Variants in WWC2 observed in about 807,000 individuals in gnomAD.
The protein encoded by WWC2 is protein WWC2.
In WWC2, 101 loss-of-function variants were observed where a neutral mutation model predicts 138.5. That is an observed-to-expected ratio of 0.73 (90% confidence interval 0.62 to 0.86). WWC2 has a LOEUF of 0.86. Among genes scored for constraint, WWC2 ranks in the 40% least tolerant of loss-of-function variants. The probability of loss-of-function intolerance (pLI) is 0.00; values close to 1 mark genes in which losing one functional copy is unlikely to be tolerated. For missense variants in WWC2, 1,420 were observed against 1,419.4 expected (o/e 1.00, Z -0.01); for synonymous variants, 558 against 538.4 (o/e 1.04, Z -0.50).
intron 1 of WWC2, among the ~76,000 whole-genome samples, chr4:183,160,854 A>G (rs1733942828): frequency 6.6e-6 from 1 of 152,218 alleles, no homozygotes; most frequent in Non-Finnish European, 1.5e-5. Context: ...GATAATGATC[A>G]TCAAATATTT....
intron 1 of WWC2, among the ~76,000 whole-genome samples, chr4:183,164,288 ATATAT>A (rs1417601107): frequency 7.2e-3 from 2 of 278 alleles, no homozygotes; most frequent in African/African-American, 0.013. Context: ...ATATATATAT[ATATAT>A]ATATATACAT....
At chr4:183,243,806 GTGACTTGAT>G (rs1226530748) in intron 5 of WWC2, among the ~76,000 whole-genome samples, 1 of 146,964 alleles carries the variant, frequency 6.8e-6, no homozygotes, top group African/African-American at 2.5e-5. Flanking sequence ...TGTTTAATCT[GTGACTTGAT>G]TGGTTGTACT....
intron 1 of WWC2, among the ~76,000 whole-genome samples, chr4:183,173,606 C>T (rs756384885): frequency 2.6e-5 from 4 of 151,560 alleles, no homozygotes; most frequent in East Asian, 2.0e-4. Context: ...CTTGTTTTGA[C>T]CAGTGGATTG....
intron 1 of WWC2, among the ~76,000 whole-genome samples, chr4:183,164,383 AT>A (rs1373365996): frequency 0.071 from 54 of 758 alleles, 2 homozygotes; most frequent in African/African-American, 0.17. Context: ...ATACATATAT[AT>A]ATTATATATA....
intron 1 of WWC2, among the ~76,000 whole-genome samples, chr4:183,149,538 C>T (rs914984781): frequency 2.6e-5 from 4 of 151,646 alleles, no homozygotes; most frequent in Middle Eastern, 3.2e-3. Context: ...AGGAGAATCG[C>T]TTGAACCTGG....
At chr4:183,246,507 A>G (rs1383234735) in intron 6 of WWC2, among the ~76,000 whole-genome samples, 1 of 152,070 alleles carries the variant, frequency 6.6e-6, no homozygotes, top group Admixed American at 6.5e-5. Context: ...AGAATATAAA[A>G]TAATATAGAA....
At chr4:183,277,634 C>T (rs1300509118) in intron 16 of WWC2, among the ~76,000 whole-genome samples, 16 of 143,016 alleles carry the variant, frequency 1.1e-4, no homozygotes, top group African/African-American at 4.1e-4. Flanking sequence ...ACATCCTCTC[C>T]AGCACCTGTT....
In WWC2 at chr4:183,245,420, G is replaced by T; in HGVS notation, c.607G>T (p.Asp203Tyr). The T allele has an allele frequency of 6.5e-7, 1 of 1,548,328 alleles. No individual in the cohort carries two copies. Among genetic ancestry groups the T allele is most frequent in the South Asian group, 1.2e-5 (1 of 80,486 alleles). The stretch of plus-strand genomic sequence containing the variant: ...TTTCTTTTTCTCTTTTCACAGAATT[G>T]ATAAAAAAATGTCTGGAGGCCAGAG... ...EQGFETLQQI[D>Y]KKMSGGQSGY... Residue 203 changes from aspartate to tyrosine, a missense_variant, in exon 6 of 23, where the codon GAT becomes TAT. Physicochemically the swap from Asp to Tyr is radical, Grantham distance 160 (BLOSUM62 -3). Transcript: ENST00000403733.
intron 1 of WWC2, among the ~76,000 whole-genome samples, chr4:183,106,550 C>T (rs540791315): frequency 2.3e-4 from 35 of 152,234 alleles, no homozygotes; most frequent in Admixed American, 1.9e-3. Flanking sequence ...CCAAAACAAA[C>T]GACCCCTTAC....
At chr4:183,148,795 A>G (rs1374579323) in intron 1 of WWC2, among the ~76,000 whole-genome samples, 1 of 152,158 alleles carries the variant, frequency 6.6e-6, no homozygotes, top group Non-Finnish European at 1.5e-5. Context: ...GGGTGTCCCG[A>G]ATGAGTTAGA....
intron 1 of WWC2, among the ~76,000 whole-genome samples, chr4:183,171,036 A>G (rs1045400105): frequency 6.6e-6 from 1 of 152,216 alleles, no homozygotes; most frequent in Non-Finnish European, 1.5e-5. Flanking sequence ...TTACAGTGAC[A>G]TCCATTATTT....
chr4:183,223,818 C>T (rs1018059540), intron 4 of WWC2, among the ~76,000 whole-genome samples: 4 of 152,186 alleles, frequency 2.6e-5, no homozygotes, highest in Non-Finnish European at 4.4e-5. Flanking sequence ...GCAACGTCTG[C>T]CTCCTGGGTT....
intron 20 of WWC2, among the ~76,000 whole-genome samples, chr4:183,287,875 G>C (rs987924637): frequency 6.6e-6 from 1 of 152,146 alleles, no homozygotes; most frequent in East Asian, 1.9e-4. Context: ...GTCATAGCTT[G>C]AAAATGGTGA....
At chr4:183,147,400 T>C (rs1042486645) in intron 1 of WWC2, among the ~76,000 whole-genome samples, 2 of 152,200 alleles carry the variant, frequency 1.3e-5, no homozygotes, top group Non-Finnish European at 2.9e-5. Context: ...AACTCTTAGA[T>C]TATTTTCTCT....
intron 1 of WWC2, among the ~76,000 whole-genome samples, chr4:183,178,496 A>C (rs1248806896): frequency 6.6e-6 from 1 of 151,736 alleles, no homozygotes; most frequent in African/African-American, 2.4e-5. Context: ...CAGGAGGATC[A>C]CTTGAGCCCA....
chr4:183,137,725 C>T (rs1187645025), intron 1 of WWC2, among the ~76,000 whole-genome samples: 1 of 152,130 alleles, frequency 6.6e-6, no homozygotes, highest in African/African-American at 2.4e-5. Flanking sequence ...TCTCGAACTC[C>T]TGGACTCAAG....
intron 6 of WWC2, 131 bp downstream of exon 6, chr4:183,245,676 C>A (rs757201859): frequency 1.9e-6 from 2 of 1,070,094 alleles, no homozygotes; most frequent in Non-Finnish European, 1.3e-6. Context: ...GCAGAATGGG[C>A]CCTGTGGAGA....
chr4:183,206,217 A>G (rs1208089653), intron 2 of WWC2, among the ~76,000 whole-genome samples: 2 of 152,110 alleles, frequency 1.3e-5, no homozygotes, highest in Admixed American at 6.6e-5. Flanking sequence ...ACCATTGTTC[A>G]TATATTTTAT....
intron 21 of WWC2, among the ~76,000 whole-genome samples, chr4:183,304,016 T>A (rs1246817618): frequency 6.6e-6 from 1 of 152,144 alleles, no homozygotes; most frequent in Non-Finnish European, 1.5e-5. Context: ...AGCTACTAAG[T>A]AGAATGTTAT....
Sources: allele counts gnomAD v4.1 joint callset (sites outside exome capture counted in the v4.1 genomes callset), GRCh38; gene constraint gnomAD v4.1.1; transcripts MANE v1.5; gene names NCBI Gene and HGNC (gene_info 2026-07-23, HGNC 2026-07-21).